B9D1: variants seen among roughly 807,000 people sequenced by gnomAD.
B9D1 encodes B9 domain-containing protein 1.
A neutral mutation model predicts 26.1 loss-of-function variants in B9D1; 20 were observed. That is an observed-to-expected ratio of 0.77 (90% CI 0.54 to 1.12). The LOEUF (loss-of-function observed/expected upper bound fraction) is 1.12, where lower values mean the gene tolerates loss of function less well. Among genes scored for constraint, B9D1 ranks in the 50% most tolerant of loss-of-function variants. The probability of loss-of-function intolerance (pLI) is 0.00; values close to 1 mark genes in which losing one functional copy is unlikely to be tolerated. For synonymous variants in B9D1, 105 were observed against 103.1 expected, an observed-to-expected ratio of 1.02 and a Z score of -0.11; for missense variants, 260 against 273.7, an observed-to-expected ratio of 0.95 and a Z score of 0.35.
chr17:19,346,172 G>T (rs1908747645), intron 5 of B9D1, among the ~76,000 whole-genome samples: 1 of 152,224 alleles, frequency 6.6e-6, no homozygotes, highest in South Asian at 2.1e-4. Flanking sequence ...TGTGGCATGG[G>T]GATTGTCACC....
intron 2 of B9D1, 147 bp downstream of exon 2, chr17:19,360,173 G>C (rs1024162673): frequency 2.6e-6 from 2 of 770,128 alleles, no homozygotes; most frequent in Non-Finnish European, 4.5e-6. Flanking sequence ...CTCTGCTCCC[G>C]CTTTACCAGG....
chr17:19,335,614 C>T (rs911573077), downstream of B9D1: 1 of 648,218 alleles, frequency 1.5e-6, no homozygotes, highest in Non-Finnish European at 2.4e-6. Flanking sequence ...TAGGCTAAGA[C>T]AGGGGTGGGG....
intron 1 of B9D1, 132 bp from the exon 2 acceptor site, chr17:19,360,520 G>C: frequency 1.3e-6 from 1 of 781,754 alleles, no homozygotes; most frequent in Non-Finnish European, 2.2e-6. Flanking sequence ...GGCTGGAGAT[G>C]TGTTCAGAGG....
chr17:19,346,160 C>G (rs1908747482), intron 5 of B9D1, among the ~76,000 whole-genome samples: 1 of 152,236 alleles, frequency 6.6e-6, no homozygotes, highest in Admixed American at 6.5e-5. Context: ...TCCCTGACAG[C>G]CTGTGGCATG....
At chr17:19,366,122 G>T (rs1211467320), upstream of B9D1, among the ~76,000 whole-genome samples, 1 of 151,922 alleles carries the variant, frequency 6.6e-6, no homozygotes, top group Non-Finnish European at 1.5e-5. Context: ...CTCATTATAA[G>T]TGGGTGTCCG....
chr17:19,355,487 C>T (rs571394424), intron 3 of B9D1, among the ~76,000 whole-genome samples: 114 of 150,590 alleles, frequency 7.6e-4, no homozygotes, highest in African/African-American at 2.7e-3. Flanking sequence ...TGAAATGGCG[C>T]CACTTTACTC....
In B9D1 at chr17:19,372,703, AGGATGCCCC is replaced by A. The variant is rs1223117977; in HGVS notation, c.-298+5147_-298+5155del. On this transcript the variant is annotated intron_variant, in intron 1 of 5. Transcript: ENST00000477478. The surrounding 1 kb of genome is among the most constrained non-coding windows in gnomAD (Gnocchi z 4.4). ...CCCCAGCACACAGCACAGACAAGAA[AGGATGCCCC>A]GGCCTCCATGTGACGGAGCTGGATT... Among the ~76,000 whole-genome samples, 3 of 152,182 alleles carry A rather than the reference AGGATGCCCC, an allele frequency of 2.0e-5. No homozygotes were observed. The highest frequency in any genetic ancestry group is 1.3e-4 in the Admixed American group (2 of 15,282).
At chr17:19,337,271 C>T (rs1907529515), downstream of B9D1, among the ~76,000 whole-genome samples, 1 of 152,126 alleles carries the variant, frequency 6.6e-6, no homozygotes, top group Non-Finnish European at 1.5e-5. Flanking sequence ...AGGGCCTGTG[C>T]CTCAGAGCCA....
chr17:19,347,789 AGGT>A lies in B9D1; in HGVS notation c.333_335del (p.Pro112del), dbSNP rs750471365. 1.2e-6 allele frequency: 2 copies of A among 1,614,084 alleles called. No homozygotes were observed. Among genetic ancestry groups the A allele is most frequent in the East Asian group, 4.5e-5 (2 of 44,884 alleles). ...AGGTCAGAATGAGGACCTACCGGCC[AGGT>A]GAGAAGGGCACGTGCACGGCCCCAT... is the stretch of plus-strand genomic sequence containing the variant. On this transcript the variant is annotated inframe_deletion, in exon 4 of 7. Transcript: ENST00000261499. This position sits in a 1 kb window ranked among gnomAD's most constrained non-coding sequence, Gnocchi z 4.3.
chr17:19,371,485 G>A (rs868729892), intron 1 of B9D1: 1 of 152,222 alleles, frequency 6.6e-6, no homozygotes, highest in South Asian at 2.1e-4. Flanking sequence ...GTGAGACTGA[G>A]GCTCAGAGAG....
intron 1 of B9D1, 54 bp downstream of exon 1, chr17:19,362,453 A>AGGGCCCCGGGGGACGCTGGGGGGC (rs1189060068): frequency 1.4e-6 from 2 of 1,401,792 alleles, no homozygotes; most frequent in Non-Finnish European, 1.9e-6. Context: ...GGTTGCGGGA[A>AGGGCCCCGGGGGACGCTGGGGGGC]GGGCCCCGGG....
downstream of B9D1, chr17:19,336,395 G>A (rs1408871484): frequency 1.3e-5 from 2 of 152,426 alleles, no homozygotes; most frequent in Non-Finnish European, 2.9e-5. Context: ...CTTTTGTAAC[G>A]AGTCTTTCAT....
chr17:19,375,081 G>A (rs977407170), intron 1 of B9D1, among the ~76,000 whole-genome samples: 2 of 152,144 alleles, frequency 1.3e-5, no homozygotes, highest in South Asian at 2.1e-4. Flanking sequence ...CTTGAGCTCA[G>A]GAGTTCAAGA....
upstream of B9D1, among the ~76,000 whole-genome samples, chr17:19,367,308 C>CT (rs35898862): frequency 0.35 from 42,320 of 121,484 alleles, 8,107 homozygotes; most frequent in East Asian, 0.71. Context: ...TAAAATCAAT[C>CT]TTTTTTTTTT....
intron 1 of B9D1, chr17:19,377,854 G>C: frequency 2.0e-6 from 2 of 985,434 alleles, no homozygotes; most frequent in Non-Finnish European, 2.4e-6. Context: ...GCGGAGGGAA[G>C]ATACCTAGAA....
At chr17:19,376,936 T>A (rs1238855519) in intron 1 of B9D1, among the ~76,000 whole-genome samples, 1 of 152,216 alleles carries the variant, frequency 6.6e-6, no homozygotes, top group Non-Finnish European at 1.5e-5. Context: ...AATCAGGATA[T>A]GTTTAAATCT....
chr17:19,360,469 G>A (rs936205501), intron 1 of B9D1, 81 bp from the exon 2 acceptor site: 1 of 1,301,044 alleles, frequency 7.7e-7, no homozygotes, highest in Non-Finnish European at 1.1e-6. Flanking sequence ...CAGCCAAGGG[G>A]AATTCTGAAC....
chr17:19,335,171 ATTT>A, downstream of B9D1: 1 of 381,822 alleles, frequency 2.6e-6, no homozygotes. Context: ...GATGATGTTT[ATTT>A]AAAAAAAAAA....
rs373478202 is a variant in B9D1 at position 19,347,840 on chromosome 17, G to A, written c.285C>T (p.Phe95=). ...CATAGCCTCGAACCACATCGTTCCC[G>A]AACACATCTGGTCCATACACGCTGA... is the stretch of plus-strand genomic sequence containing the variant. ...IVLSVYGPDV[F]GNDVVRGYGA... is the part of the protein sequence containing the mutation. Residue 95 remains phenylalanine, a synonymous_variant, in exon 4 of 7, where the codon TTC becomes TTT. Coordinates refer to ENST00000261499, the MANE Select transcript of B9D1 (RefSeq NM_015681.6). This position sits in a 1 kb window ranked among gnomAD's most constrained non-coding sequence, Gnocchi z 4.3. 26 of 1,614,070 alleles carry A rather than the reference G, an allele frequency of 1.6e-5. No homozygotes were observed. The African/African-American group carries it at 1.7e-4, about 11-fold the overall frequency.
Sources: gnomAD v4.1 joint callset for allele counts (sites outside exome capture counted in the v4.1 genomes callset) on GRCh38, gnomAD v4.1.1 for gene constraint, Gnocchi (gnomAD v3.1) non-coding constraint, MANE v1.5 for transcripts, NCBI Gene and HGNC (gene_info 2026-07-23, HGNC 2026-07-21) for gene names.